Variants in PLEKHA5 observed in about 807,000 individuals in gnomAD.
PLEKHA5 encodes pleckstrin homology domain containing A5.
A neutral mutation model predicts 181.9 loss-of-function variants in PLEKHA5; 55 were observed. The ratio of observed to expected loss-of-function variants is 0.30; its 90% CI spans 0.24 to 0.38. The LOEUF (loss-of-function observed/expected upper bound fraction) is 0.38. Among genes scored for constraint, PLEKHA5 ranks in the 10% least tolerant of loss-of-function variants. The pLI, the probability that PLEKHA5 is intolerant of heterozygous loss-of-function variation, is 1.00. For missense variants in PLEKHA5, 1,432 were observed against 1,549.5 expected, an observed-to-expected ratio of 0.92 and a Z score of 1.27; for synonymous variants, 535 against 529.4, an observed-to-expected ratio of 1.01 and a Z score of -0.15.
chr12:19,279,129 G>A (rs996308139), intron 11 of PLEKHA5, among the ~76,000 whole-genome samples: 18 of 152,126 alleles, frequency 1.2e-4, no homozygotes, highest in Non-Finnish European at 2.5e-4. Context: ...TCTCTGGTGC[G>A]ATAAGATTAT....
chr12:19,129,994 G>A (rs2032925637), intron 1 of PLEKHA5, 57 bp from the exon 2 acceptor site: 1 of 1,473,786 alleles, frequency 6.8e-7, no homozygotes, highest in Admixed American at 2.0e-5. Flanking sequence ...CAGCCCCTCG[G>A]CTCGCCCCCG....
chr12:19,179,796 GCCTCTCATTT>G (rs1474977536), intron 3 of PLEKHA5, among the ~76,000 whole-genome samples: 8 of 152,178 alleles, frequency 5.3e-5, no homozygotes, highest in Non-Finnish European at 8.8e-5. Flanking sequence ...CTGAAAGTTA[GCCTCTCATTT>G]GTAAAGACAC....
intron 7 of PLEKHA5, among the ~76,000 whole-genome samples, chr12:19,262,983 C>A (rs1013528549): frequency 6.6e-6 from 1 of 152,048 alleles, no homozygotes; most frequent in Non-Finnish European, 1.5e-5. Flanking sequence ...AGTAGTTTCC[C>A]AGATGGGGAA....
At chr12:19,136,684 AG>A (rs1370956448) in intron 3 of PLEKHA5, among the ~76,000 whole-genome samples, 2 of 152,224 alleles carry the variant, frequency 1.3e-5, no homozygotes, top group African/African-American at 4.8e-5. Flanking sequence ...GATTATTTAA[AG>A]GTCATTGCAG....
chr12:19,158,988 C>T (rs1430242242), intron 3 of PLEKHA5, among the ~76,000 whole-genome samples: 1 of 152,150 alleles, frequency 6.6e-6, no homozygotes, highest in East Asian at 1.9e-4. Flanking sequence ...AAAAATTCAA[C>T]TGATGTTATG....
At chr12:19,148,263 G>T (rs2039464489) in intron 3 of PLEKHA5, among the ~76,000 whole-genome samples, 2 of 151,872 alleles carry the variant, frequency 1.3e-5, no homozygotes, top group Non-Finnish European at 2.9e-5. Context: ...CACTATGTTG[G>T]CCAGGCTGGT....
intron 3 of PLEKHA5, chr12:19,200,678 T>C: frequency 9.7e-7 from 1 of 1,028,882 alleles, no homozygotes; most frequent in South Asian, 4.6e-5. Flanking sequence ...CTTAACCCTT[T>C]CCTTGCTTGC....
Position 19,255,185 on chromosome 12 carries a change from A to G in PLEKHA5, c.432+20A>G, listed in dbSNP as rs2066518327. The G allele has an allele frequency of 1.3e-6, 2 of 1,541,044 alleles. No individual in the cohort carries two copies. Among genetic ancestry groups the G allele is most frequent in the Admixed American group, 3.5e-5 (2 of 56,848 alleles). ...GGCAGAGTAAGTTATTTTGCTTTAT[A>G]TTAATTATTGATAAGGAGTAAACAG... On this transcript the variant is annotated intron_variant, in intron 5 of 31. Transcript: ENST00000429027.
intron 20 of PLEKHA5, among the ~76,000 whole-genome samples, chr12:19,324,548 A>G (rs554631377): frequency 6.6e-6 from 1 of 152,314 alleles, no homozygotes; most frequent in Non-Finnish European, 1.5e-5. Context: ...ATTTCTGAAG[A>G]TTTAGATCTA....
chr12:19,324,995 T>G (rs529678173), intron 20 of PLEKHA5, among the ~76,000 whole-genome samples: 1 of 152,392 alleles, frequency 6.6e-6, no homozygotes, highest in African/African-American at 2.4e-5. Flanking sequence ...CCTTTCCTTA[T>G]CAACTGGGAT....
chr12:19,332,202 A>T (rs540844805), intron 20 of PLEKHA5, among the ~76,000 whole-genome samples: 3 of 152,210 alleles, frequency 2.0e-5, no homozygotes, highest in Non-Finnish European at 4.4e-5. Context: ...TGAGCCCAGG[A>T]GTTCAAGGCT....
At chr12:19,343,460 GTGAC>G in intron 22 of PLEKHA5, 26 bp downstream of exon 22, 1 of 1,266,490 alleles carries the variant, frequency 7.9e-7, no homozygotes, top group Non-Finnish European at 1.2e-6. Context: ...ATTTTATTTT[GTGAC>G]TGACCACAGT....
At chr12:19,299,883 T>A (rs1025610858) in intron 15 of PLEKHA5, among the ~76,000 whole-genome samples, 2 of 152,162 alleles carry the variant, frequency 1.3e-5, no homozygotes, top group Non-Finnish European at 2.9e-5. Flanking sequence ...AAAGTCTCTT[T>A]TTGTCATTTA....
At chr12:19,135,574 A>G (rs10505836) in intron 3 of PLEKHA5, among the ~76,000 whole-genome samples, 2 of 152,102 alleles carry the variant, frequency 1.3e-5, no homozygotes, top group African/African-American at 4.8e-5. Flanking sequence ...ACAATCACAG[A>G]TAAGTATGAT....
chr12:19,244,192 A>G (rs746633062), intron 3 of PLEKHA5, among the ~76,000 whole-genome samples: 3 of 152,220 alleles, frequency 2.0e-5, no homozygotes, highest in African/African-American at 4.8e-5. Flanking sequence ...ATTACAAGAC[A>G]CTGTGTGATT....
intron 3 of PLEKHA5, among the ~76,000 whole-genome samples, chr12:19,181,297 GAAC>G (rs777188400): frequency 1.3e-4 from 20 of 152,108 alleles, no homozygotes; most frequent in East Asian, 7.7e-4. Flanking sequence ...AAATGAAGTA[GAAC>G]AACAGTACCT....
chr12:19,356,164 CA>C (rs923689432), intron 26 of PLEKHA5, among the ~76,000 whole-genome samples: 3 of 141,614 alleles, frequency 2.1e-5, no homozygotes, highest in Non-Finnish European at 3.1e-5. Flanking sequence ...GACTCTGTCT[CA>C]AAAAAAAACA....
chr12:19,160,850 A>G (rs2042806733), intron 3 of PLEKHA5, among the ~76,000 whole-genome samples: 1 of 152,084 alleles, frequency 6.6e-6, no homozygotes, highest in Non-Finnish European at 1.5e-5. Context: ...GTAGAGGCTT[A>G]TAATCTCAAT....
chr12:19,183,558 T>C (rs1020433854), intron 3 of PLEKHA5, among the ~76,000 whole-genome samples: 8 of 152,200 alleles, frequency 5.3e-5, no homozygotes, highest in Non-Finnish European at 1.0e-4. Context: ...GACACTTTAA[T>C]GTTAAGAGGC....
Sources: allele counts gnomAD v4.1 joint callset (sites outside exome capture counted in the v4.1 genomes callset), GRCh38; gene constraint gnomAD v4.1.1; transcripts MANE v1.5; gene names NCBI Gene and HGNC (gene_info 2026-07-23, HGNC 2026-07-21).